TCHH: variants seen among roughly 807,000 people sequenced by gnomAD.
TCHH encodes trichohyalin.
A neutral mutation model predicts 6.3 loss-of-function variants in TCHH; 6 were observed. The ratio of observed to expected loss-of-function variants is 0.95; its 90% CI spans 0.52 to 1.88. The LOEUF (loss-of-function observed/expected upper bound fraction) is 1.88. TCHH is among the 40% of genes most tolerant of loss of function. The pLI, the probability that TCHH is intolerant of heterozygous loss-of-function variation, is 0.01. For synonymous variants in TCHH, 1,087 were observed against 963.6 expected (o/e 1.13, Z -2.37); for missense variants, 2,920 against 2,449.1 (o/e 1.19, Z -4.06).
In TCHH at chr1:152,110,000, G is replaced by T. The variant is rs754020270; in HGVS notation, c.3217C>A (p.Arg1073Ser). 6.5e-7 allele frequency: 1 copy of T among 1,534,966 alleles called. No individual in the cohort carries two copies. Among genetic ancestry groups the T allele is most frequent in the South Asian group, 1.3e-5 (1 of 79,672 alleles). The change falls in exon 3 of 3, where the codon CGC (arginine) becomes AGC (serine). Residue 1073 changes from arginine to serine, a missense_variant. Physicochemically the swap from Arg to Ser is moderately radical, Grantham distance 110 (BLOSUM62 -1). Transcript: ENST00000614923. The stretch of plus-strand genomic sequence containing the variant: ...CGATATTGCCTCTCCAGCTCCTGGC[G>T]CCTTCTCGTCTCCCGTTCCTCTCCC... Reference protein sequence around the residue: ...LLGEERETRRRQELERQYRKE... With the variant: ...LLGEERETRRSQELERQYRKE...
At chr1:152,113,827 G>A (rs761239911) in intron 2 of TCHH, 116 bp downstream of exon 2, 12 of 1,213,476 alleles carry the variant, frequency 9.9e-6, no homozygotes, top group Middle Eastern at 2.0e-4. Flanking sequence ...GGGATGTAGT[G>A]TAGACCTGTT....
Position 152,112,284 on chromosome 1 carries a change from C to G in TCHH, c.933G>C (p.Glu311Asp). 1 of 1,609,090 alleles carries G rather than the reference C, an allele frequency of 6.2e-7. No individual in the cohort carries two copies. Among genetic ancestry groups the G allele is most frequent in the Non-Finnish European group, 8.5e-7 (1 of 1,179,486 alleles). ...RREQQLRRKQ[E>D]EERREQQEER... The stretch of plus-strand genomic sequence containing the variant: ...CCTCCTGCTGCTCGCGCCTCTCCTC[C>G]TCCTGCTTGCGCCTTAGTTGCTGCT... The change falls in exon 3 of 3, where the codon GAG becomes GAC. Residue 311 changes from glutamate to aspartate, a missense_variant. Physicochemically the swap from Glu to Asp is conservative, Grantham distance 45. Coordinates refer to ENST00000614923, the MANE Select transcript of TCHH (RefSeq NM_007113.4).
At position 152,111,441 on chromosome 1, in the gene TCHH, G is replaced by A. The variant is rs745760250; in HGVS notation, c.1776C>T (p.Arg592=). The change falls in exon 3 of 3, where the codon CGC becomes CGT. Residue 592 remains arginine (R), a synonymous_variant. Transcript: ENST00000614923. ...GCTGCTCGAGCCTCTCTTCCTGCTC[G>A]CGCTTCAGCCGCTGCTGGCGCCTCT... is the stretch of plus-strand genomic sequence containing the variant. ...EEERRQQRLK[R]EQEERLEQRL... is the part of the protein sequence containing the mutation. The A allele has an allele frequency of 2.8e-5, 44 of 1,593,604 alleles. No homozygotes were observed. The East Asian group carries it at 8.9e-4, about 32-fold the overall frequency.
rs751598277 is a variant in TCHH at position 152,109,242 on chromosome 1, TCTTTC to T, written c.3970_3974del (p.Glu1324ArgfsTer34). ...TCTCTTGACGGCGTCTCTTCTCTTCTCTTTCCTCTCTCAGCAACTGCTTTTCCTCT... is the reference window on the plus strand; with the variant it reads ...TCTCTTGACGGCGTCTCTTCTCTTCTCTCTCTCAGCAACTGCTTTTCCTCT... On this transcript the variant is annotated frameshift_variant, in exon 3 of 3. Coordinates refer to ENST00000614923, the MANE Select transcript of TCHH (RefSeq NM_007113.4). LOFTEE classifies it low-confidence loss of function (END_TRUNC). 8 of 1,614,244 alleles carry T rather than the reference TCTTTC, an allele frequency of 5.0e-6. No individual in the cohort carries two copies. The highest frequency in any genetic ancestry group is 1.1e-5 in the South Asian group (1 of 91,092).
rs1258923110 is a variant in TCHH at position 152,112,417 on chromosome 1, C to T, written c.800G>A (p.Arg267Gln). ...EEKLQEEEPQ[R>Q]QRELQEEEEQ... is the part of the protein sequence containing the mutation. ...TTCTTCCTCCTGGAGCTCTCTTTGC[C>T]GCTGCGGCTCCTCTTCCTGCAACTT... The change falls in exon 3 of 3, where the codon CGG becomes CAG. Residue 267 changes from arginine to glutamine, a missense_variant. By Grantham distance (43) the Arg-to-Gln change is conservative. Transcript: ENST00000614923. 3 of 1,613,816 alleles carry T rather than the reference C, an allele frequency of 1.9e-6. No individual in the cohort carries two copies. The highest frequency in any genetic ancestry group is 1.6e-4 in the Middle Eastern group (1 of 6,062).
chr1:152,108,486 AC>A lies in TCHH; in HGVS notation c.4730del (p.Arg1577LeufsTer7). ...REEQQLSRQERDRKFRLEEQK... is the reference protein window; with the variant it reads ...REEQQLSRQEXDRKFRLEEQK... ...GTTCCTCTAAACGGAATTTTCTGTC[AC>A]GCTCTTGGCGGCTCAGCTGCTGTTC... On this transcript the variant is annotated frameshift_variant, in exon 3 of 3. Transcript: ENST00000614923. LOFTEE classifies it low-confidence loss of function (END_TRUNC). 1 of 1,601,856 alleles carries A rather than the reference AC, an allele frequency of 6.2e-7. No homozygotes were observed. Among genetic ancestry groups the A allele is most frequent in the Admixed American group, 1.7e-5 (1 of 58,866 alleles).
In TCHH at chr1:152,107,147, T is replaced by A. The variant is rs568922662; in HGVS notation, c.*238A>T. The A allele has an allele frequency of 4.9e-6, 2 of 411,186 alleles. No homozygotes were observed. Among genetic ancestry groups the A allele is most frequent in the Non-Finnish European group, 8.6e-6 (2 of 233,384 alleles). The allele number at this position is 411,186 out of a possible 1,614,324, so 25.5% of individuals were successfully genotyped here. ...ATATTTTTTTTAAATGCACACCACA[T>A]CTGCATCAAAGAGCAAAAGAAAGAC... On this transcript the variant is annotated 3_prime_UTR_variant, in exon 3 of 3. Transcript: ENST00000614923.
rs1463467082 is a variant in TCHH, at chr1:152,109,381, C to T, written c.3836G>A (p.Arg1279His). The T allele has an allele frequency of 3.1e-6, 5 of 1,614,264 alleles. No homozygotes were observed. Among genetic ancestry groups the T allele is most frequent in the Non-Finnish European group, 4.2e-6 (5 of 1,180,056 alleles). Reference protein sequence around the residue: ...HLLGEQQERDREQERRRWQQR... With the variant: ...HLLGEQQERDHEQERRRWQQR... ...CTGCCAGCGCCTCCTCTCTTGCTCA[C>T]GATCTCGCTCTTGCTGTTCACCCAG... Residue 1279 changes from arginine to histidine, a missense_variant, in exon 3 of 3, where the codon CGT becomes CAT. Arg to His is a conservative substitution (Grantham distance 29, BLOSUM62 0). Coordinates refer to ENST00000614923, the MANE Select transcript of TCHH (RefSeq NM_007113.4).
rs1264361939 is a variant in TCHH at position 152,112,537 on chromosome 1, T to C, written c.680A>G (p.Gln227Arg). 8 of 1,613,436 alleles carry C rather than the reference T, an allele frequency of 5.0e-6. No individual in the cohort carries two copies. The highest frequency in any genetic ancestry group is 2.2e-5 in the East Asian group (1 of 44,862). The change falls in exon 3 of 3, where the codon CAG becomes CGG. Residue 227 changes from glutamine to arginine, a missense_variant. Gln to Arg is a conservative substitution (Grantham distance 43, BLOSUM62 1). Coordinates refer to ENST00000614923, the MANE Select transcript of TCHH (RefSeq NM_007113.4). ...GTCTTGCCGCTCTCGCCTTTGCTGC[T>C]GTTTCTCCTCGCGGCCCTTCCTCCT... is the stretch of plus-strand genomic sequence containing the variant. ...ELRRKGREEK[Q>R]QQRRERQDRV...
chr1:152,112,332 C>T lies in TCHH; in HGVS notation c.885G>A (p.Gln295=). The change falls in exon 3 of 3, where the codon CAG becomes CAA. Residue 295 remains glutamine, a synonymous_variant. Transcript: ENST00000614923. ...GCTCGCGCCTCAGCCTTTGCTGCTG[C>T]TGCTCTTCCTCCTGGCGCTCCCTCC... is the stretch of plus-strand genomic sequence containing the variant. ...ELRRERQEEE[Q]QQQRLRREQQ... 6.2e-7 allele frequency: 1 copy of T among 1,613,112 alleles called. No homozygotes were observed. The highest frequency in any genetic ancestry group is 8.5e-7 in the Non-Finnish European group (1 of 1,180,002).
In TCHH at chr1:152,108,368, G is replaced by C; in HGVS notation, c.4849C>G (p.Arg1617Gly). The part of the protein sequence containing the change: ...QEGQQQLRQE[R>G]DRKFREDEQL... ...TCGTCTTCGCGGAATTTTCTGTCGC[G>C]CTCCTGGCGCAGCTGTTGTTGGCCC... Residue 1617 changes from arginine (R) to glycine (G), a missense_variant, in exon 3 of 3, where the codon CGC becomes GGC. Coordinates refer to ENST00000614923, the MANE Select transcript of TCHH (RefSeq NM_007113.4). 1.9e-6 allele frequency: 3 copies of C among 1,606,486 alleles called. No individual in the cohort carries two copies. Among genetic ancestry groups the C allele is most frequent in the Non-Finnish European group, 2.5e-6 (3 of 1,177,716 alleles).
chr1:152,110,889 CT>C lies in TCHH; in HGVS notation c.2327del (p.Lys776ArgfsTer23), dbSNP rs748909514. ...DFTWQWQAEEKSERGRQRLSA... is the reference protein window; with the variant it reads ...DFTWQWQAEEXSERGRQRLSA... ...ACAGCCTCTGACGGCCCCTCTCGCTCTTTTCCTCCGCCTGCCACTGCCATGT... is the reference window on the plus strand; with the variant it reads ...ACAGCCTCTGACGGCCCCTCTCGCTCTTTCCTCCGCCTGCCACTGCCATGT... On this transcript the variant is annotated frameshift_variant, in exon 3 of 3. Transcript: ENST00000614923. LOFTEE classifies it low-confidence loss of function (END_TRUNC). 5 of 1,611,254 alleles carry C rather than the reference CT, an allele frequency of 3.1e-6. No homozygotes were observed. The highest frequency in any genetic ancestry group is 4.2e-6 in the Non-Finnish European group (5 of 1,179,872).
rs762168672 is a variant in TCHH, at chr1:152,112,510, C to G, written c.707G>C (p.Arg236Thr). Residue 236 changes from arginine (R) to threonine (T), a missense_variant, in exon 3 of 3, where the codon AGA becomes ACA. Physicochemically the swap from Arg to Thr is moderately conservative, Grantham distance 71. Transcript: ENST00000614923. ...TTTCTCTTCTTCCTCCTGGAACACT[C>G]TGTCTTGCCGCTCTCGCCTTTGCTG... ...KQQQRRERQD[R>T]VFQEEEEKEW... 1.9e-6 allele frequency: 3 copies of G among 1,613,482 alleles called. No homozygotes were observed. Among genetic ancestry groups the G allele is most frequent in the East Asian group, 4.5e-5 (2 of 44,854 alleles).
In TCHH at chr1:152,111,690, C is replaced by T; in HGVS notation, c.1527G>A (p.Arg509=). The T allele has an allele frequency of 6.9e-7, 1 of 1,446,576 alleles. No individual in the cohort carries two copies. The highest frequency in any genetic ancestry group is 1.2e-5 in the South Asian group (1 of 81,388). 89.6% of individuals were successfully genotyped at this position (1,446,576 alleles called of 1,614,324 possible). Residue 509 remains arginine (R), a synonymous_variant, in exon 3 of 3, where the codon CGG becomes CGA. Coordinates refer to ENST00000614923, the MANE Select transcript of TCHH (RefSeq NM_007113.4). ...QQERREQQLR[R]EQEERREQRL... is the part of the protein sequence containing the mutation. ...GCTGCTCGCGCCTCTCCTCTTGCTC[C>T]CGCCTTAGTTGCTGCTCGCGCCTCT...
rs762558880 is a variant in TCHH at position 152,110,365 on chromosome 1, C to G, written c.2852G>C (p.Arg951Thr). The change falls in exon 3 of 3, where the codon AGA (arginine) becomes ACA (threonine). Residue 951 changes from arginine (R) to threonine (T), a missense_variant. Physicochemically the swap from Arg to Thr is moderately conservative, Grantham distance 71 (BLOSUM62 -1). Transcript: ENST00000614923. ...EQLLREEREK[R>T]RRQERERQYR... The stretch of plus-strand genomic sequence containing the variant: ...TTGCCTTTCCCGCTCCTGGCGTCTT[C>G]TTTTCTCCCGTTCCTCTCTCAGCAG... The G allele has an allele frequency of 1.9e-6, 3 of 1,611,674 alleles. No homozygotes were observed.
Position 152,109,540 on chromosome 1 carries a change from T to G in TCHH, c.3677A>C (p.Gln1226Pro). ...TGCATTTTCTTTTTCTGGTTCCCAC[T>G]GCCATTTCAGATCACTGCGCTGATC... ...DEDQRSDLKW[Q>P]WEPEKENAVR... Residue 1226 changes from glutamine (Q) to proline (P), a missense_variant, in exon 3 of 3, where the codon CAG becomes CCG. Transcript: ENST00000614923. The G allele has an allele frequency of 6.2e-7, 1 of 1,614,280 alleles. No individual in the cohort carries two copies. Among genetic ancestry groups the G allele is most frequent in the Non-Finnish European group, 8.5e-7 (1 of 1,180,054 alleles).
In TCHH at chr1:152,106,482, C is replaced by A. The variant is rs1658106508; in HGVS notation, c.*903G>T. 1 of 152,178 alleles carries A rather than the reference C, an allele frequency of 6.6e-6. No individual in the cohort carries two copies. Among genetic ancestry groups the A allele is most frequent in the African/African-American group, 2.4e-5 (1 of 41,422 alleles). 9.4% of individuals were successfully genotyped at this position (152,178 alleles called of 1,614,324 possible). A position where few individuals can be genotyped will look rare whatever the true frequency, so the allele number is the denominator to read the frequency against. On this transcript the variant is annotated 3_prime_UTR_variant, in exon 3 of 3. Transcript: ENST00000614923. ...TCACACATTTTTCCCTTTTACACCC[C>A]CAACATGCTCTATGTGATCTCTTAT...
In TCHH at chr1:152,109,567, T is replaced by A; in HGVS notation, c.3650A>T (p.Glu1217Val). The A allele has an allele frequency of 6.2e-7, 1 of 1,614,260 alleles. No individual in the cohort carries two copies. Among genetic ancestry groups the A allele is most frequent in the South Asian group, 1.1e-5 (1 of 91,084 alleles). The change falls in exon 3 of 3, where the codon GAG becomes GTG. Residue 1217 changes from glutamate to valine, a missense_variant. Coordinates refer to ENST00000614923, the MANE Select transcript of TCHH (RefSeq NM_007113.4). ...CCATTTCAGATCACTGCGCTGATCCTCATCCCGGTATCGCTGCTTCCTTTT... is the reference window on the plus strand; with the variant it reads ...CCATTTCAGATCACTGCGCTGATCCACATCCCGGTATCGCTGCTTCCTTTT... ...RQKRKQRYRD[E>V]DQRSDLKWQW...
At position 152,109,960 on chromosome 1, in the gene TCHH, A is replaced by C; in HGVS notation, c.3257T>G (p.Leu1086Arg). ...CAGCAGCTGCTCTTCCTCCTGCTGC[A>C]GCTCCTCTTCCTTCCGATATTGCCT... is the stretch of plus-strand genomic sequence containing the variant. ...LERQYRKEEELQQEEEQLLRE... is the reference protein window; with the variant it reads ...LERQYRKEEERQQEEEQLLRE... Residue 1086 changes from leucine (L) to arginine (R), a missense_variant, in exon 3 of 3, where the codon CTG becomes CGG. Physicochemically the swap from Leu to Arg is moderately radical, Grantham distance 102. Coordinates refer to ENST00000614923, the MANE Select transcript of TCHH (RefSeq NM_007113.4). 6.4e-7 allele frequency: 1 copy of C among 1,573,762 alleles called. No homozygotes were observed. Among genetic ancestry groups the C allele is most frequent in the South Asian group, 1.1e-5 (1 of 87,164 alleles).
Sources: gnomAD v4.1 joint callset for allele counts on GRCh38, gnomAD v4.1.1 for gene constraint, MANE v1.5 for transcripts, NCBI Gene and HGNC (gene_info 2026-07-23, HGNC 2026-07-21) for gene names.